Variants in RIT1 observed in about 807,000 individuals in gnomAD.
The protein encoded by RIT1 is GTP-binding protein Rit1.
A neutral mutation model predicts 25.6 loss-of-function variants in RIT1; 6 were observed. The observed-to-expected ratio is 0.23, with a 90% CI of 0.13 to 0.46. The LOEUF is 0.46. RIT1 is among the 20% of genes least tolerant of loss of function. The probability of loss-of-function intolerance (pLI) is 0.99; values close to 1 mark genes in which losing one functional copy is unlikely to be tolerated. For missense variants in RIT1, 219 were observed against 284.4 expected (o/e 0.77, Z 1.65); for synonymous variants, 81 against 94.1 (o/e 0.86, Z 0.80).
Position 155,904,434 on chromosome 1 carries a change from G to A in RIT1, c.306C>T (p.Ile102=). 1 of 1,614,098 alleles carries A rather than the reference G, an allele frequency of 6.2e-7. No homozygotes were observed. The highest frequency in any genetic ancestry group is 8.5e-7 in the Non-Finnish European group (1 of 1,179,970). ...AGEGFIICYS[I]TDRRSFHEVR... is the part of the protein sequence containing the mutation. ...CTTCATGGAAACTTCGACGATCCGT[G>A]ATAGAGTAACAGATGATAAACCCTT... Residue 102 remains isoleucine, a synonymous_variant, in exon 5 of 6, where the codon ATC becomes ATT. Coordinates refer to ENST00000368323, the MANE Select transcript of RIT1 (RefSeq NM_006912.6).
At chr1:155,905,896 C>T (rs948093510) in intron 3 of RIT1, among the ~76,000 whole-genome samples, 10 of 151,528 alleles carry the variant, frequency 6.6e-5, no homozygotes, top group Non-Finnish European at 1.5e-4. Flanking sequence ...GGCATGATCT[C>T]GGCTCACCAC....
At chr1:155,901,638 C>A (rs1405067263) in intron 5 of RIT1, among the ~76,000 whole-genome samples, 1 of 151,814 alleles carries the variant, frequency 6.6e-6, no homozygotes, top group East Asian at 1.9e-4. Flanking sequence ...GGTGACAGAG[C>A]CAGACTCTGT....
At chr1:155,907,926 T>C (rs1437043716) in intron 3 of RIT1, among the ~76,000 whole-genome samples, 2 of 149,546 alleles carry the variant, frequency 1.3e-5, no homozygotes, top group African/African-American at 4.9e-5. Context: ...CCGTCTCTAC[T>C]AAAAATACAA....
chr1:155,907,112 AAAAAGAAAAG>A (rs1248836313), intron 3 of RIT1, among the ~76,000 whole-genome samples: 1 of 152,166 alleles, frequency 6.6e-6, no homozygotes, highest in Non-Finnish European at 1.5e-5. Flanking sequence ...TGTCTCAAAA[AAAAAGAAAAG>A]AAAAGAAAAT....
At chr1:155,909,390 C>A (rs1673533516) in intron 3 of RIT1, among the ~76,000 whole-genome samples, 1 of 149,796 alleles carries the variant, frequency 6.7e-6, no homozygotes, top group Non-Finnish European at 1.5e-5. Context: ...AAAAAAAAAA[C>A]AAAAAAAGAA....
chr1:155,910,362 T>C, intron 3 of RIT1, 88 bp downstream of exon 3: 1 of 1,192,942 alleles, frequency 8.4e-7, no homozygotes, highest in South Asian at 1.3e-5. Context: ...CAAAAAAGCC[T>C]CAAAATATAA....
chr1:155,909,250 C>A (rs1175867320), intron 3 of RIT1, among the ~76,000 whole-genome samples: 4 of 151,518 alleles, frequency 2.6e-5, no homozygotes, highest in Non-Finnish European at 4.4e-5. Flanking sequence ...TGGTGGCGGG[C>A]GCCTGTAGTC....
intron 5 of RIT1, among the ~76,000 whole-genome samples, chr1:155,902,961 G>C (rs1299364065): frequency 6.6e-6 from 1 of 151,888 alleles, no homozygotes; most frequent in Non-Finnish European, 1.5e-5. Flanking sequence ...AGGAGTTTGA[G>C]ACCAGCCTGA....
chr1:155,904,597 G>C, intron 4 of RIT1, 95 bp from the exon 5 acceptor site: 1 of 1,268,158 alleles, frequency 7.9e-7, no homozygotes, highest in Non-Finnish European at 1.1e-6. Context: ...AACGCATGTC[G>C]ATTACCTGCT....
chr1:155,902,755 C>T lies in RIT1; in HGVS notation c.429+1556G>A, dbSNP rs570938677. ...ACTCAGGAGGCTGAGGCAGGAGAATCGCTTGAACTCAGGAGTCAGAGAGGT... is the reference window on the plus strand; with the variant it reads ...ACTCAGGAGGCTGAGGCAGGAGAATTGCTTGAACTCAGGAGTCAGAGAGGT... On this transcript the variant is annotated intron_variant, in intron 5 of 5. Coordinates refer to ENST00000368323, the MANE Select transcript of RIT1 (RefSeq NM_006912.6). Among the ~76,000 whole-genome samples, 67 of 149,678 alleles carry T rather than the reference C, an allele frequency of 4.5e-4. No individual in the cohort carries two copies. In the South Asian group the frequency reaches 8.9e-3, roughly 20 times the overall value.
chr1:155,906,779 A>AAAAAAG (rs1553229176), intron 3 of RIT1, among the ~76,000 whole-genome samples: 2,610 of 121,980 alleles, frequency 0.021, 47 homozygotes, highest in Non-Finnish European at 0.031. Flanking sequence ...AAAAAAAAAA[A>AAAAAAG]AAAAAGAAAA....
At position 155,910,878 on chromosome 1, in the gene RIT1, C is replaced by T. The variant is rs730881012; in HGVS notation, c.-43-74G>A. 76 of 1,585,534 alleles carry T rather than the reference C, an allele frequency of 4.8e-5. No individual in the cohort carries two copies. In the Middle Eastern group the frequency reaches 5.0e-4, roughly 10 times the overall value. ...GACAGCCCTCAAGCCAGTGCCTTAC[C>T]TTTCCATACATATTCTGGCCTGTCC... On this transcript the variant is annotated intron_variant, in intron 1 of 5. Transcript: ENST00000368323.
chr1:155,898,989 T>C lies in RIT1; in HGVS notation c.*1399A>G, dbSNP rs966060864. On this transcript the variant is annotated 3_prime_UTR_variant, in exon 6 of 6. Transcript: ENST00000368323. ...AGGTGCTACACAAGTCATCTTACGT[T>C]TCTAGTCAACACAAACATTGCTTCA... 1.9e-5 allele frequency: 4 copies of C among 212,946 alleles called. No individual in the cohort carries two copies. The highest frequency in any genetic ancestry group is 2.9e-5 in the Non-Finnish European group (3 of 105,194). The allele number at this position is 212,946 out of a possible 1,614,324, so 13.2% of individuals were successfully genotyped here.
intron 3 of RIT1, 130 bp from the exon 4 acceptor site, chr1:155,904,934 C>T (rs1000065339): frequency 3.1e-6 from 2 of 638,266 alleles, no homozygotes; most frequent in Non-Finnish European, 5.6e-6. Context: ...AGGAAGCATG[C>T]TAAATCCACT....
intron 5 of RIT1, 115 bp downstream of exon 5, chr1:155,904,196 G>C (rs949449098): frequency 1.3e-5 from 10 of 797,736 alleles, no homozygotes; most frequent in Non-Finnish European, 2.0e-5. Flanking sequence ...CACCCAGCCT[G>C]ATTTTCTATT....
rs878897140 is a variant in RIT1, at chr1:155,910,885, T to C, written c.-43-81A>G. 3 of 1,577,686 alleles carry C rather than the reference T, an allele frequency of 1.9e-6. No individual in the cohort carries two copies. The South Asian group carries it at 3.4e-5, about 18-fold the overall frequency. On this transcript the variant is annotated intron_variant, in intron 1 of 5. Transcript: ENST00000368323. ...CTCAAGCCAGTGCCTTACCTTTCCATACATATTCTGGCCTGTCCCTCTTAC... is the reference window on the plus strand; with the variant it reads ...CTCAAGCCAGTGCCTTACCTTTCCACACATATTCTGGCCTGTCCCTCTTAC...
In RIT1 at chr1:155,910,657, A is replaced by G. The variant is rs1335151363; in HGVS notation, c.105T>C (p.Ser35=). The part of the protein sequence containing the change: ...VMLGAGGVGK[S]AMTMQFISHR... ...TGTCAAATGGAAAATGTTACCTACC[A>G]CTCTTCCCTACACCACCAGCACCCA... The change falls in exon 2 of 6, where the codon AGT becomes AGC. Residue 35 remains serine, a splice_region_variant and synonymous_variant. Transcript: ENST00000368323. 1 of 1,613,228 alleles carries G rather than the reference A, an allele frequency of 6.2e-7. No homozygotes were observed. Among genetic ancestry groups the G allele is most frequent in the East Asian group, 2.2e-5 (1 of 44,838 alleles).
rs1673227073 is a variant in RIT1, at chr1:155,898,329, G to C, written c.*2059C>G. ...ATCCAAATTCCTTTCTATCCTTCTG[G>C]CAATGTTTCTACTGCCTGACTACCT... On this transcript the variant is annotated 3_prime_UTR_variant, in exon 6 of 6. Coordinates refer to ENST00000368323, the MANE Select transcript of RIT1 (RefSeq NM_006912.6). 6.7e-6 allele frequency: 1 copy of C among 150,346 alleles called. No homozygotes were observed. Among genetic ancestry groups the C allele is most frequent in the South Asian group, 2.1e-4 (1 of 4,744 alleles). 9.3% of individuals were successfully genotyped at this position (150,346 alleles called of 1,614,324 possible). A position where few individuals can be genotyped will look rare whatever the true frequency, so the allele number is the denominator to read the frequency against.
Position 155,910,717 on chromosome 1 carries a change from G to A in RIT1, c.45C>T (p.Pro15=), listed in dbSNP as rs748838734. The change falls in exon 2 of 6, where the codon CCC becomes CCT. Residue 15 remains proline, a synonymous_variant. Transcript: ENST00000368323. ...TRPVGSCCSS[P]AGLSREYKLV... is the part of the protein sequence containing the mutation. ...GTTTGTACTCCCGTGAGAGCCCAGC[G>A]GGGCTGCTACAGCAGCTACCAACTG... 1.2e-6 allele frequency: 2 copies of A among 1,614,108 alleles called. No individual in the cohort carries two copies. The highest frequency in any genetic ancestry group is 1.3e-5 in the African/African-American group (1 of 74,938).
Sources: gnomAD v4.1 joint callset for allele counts (sites outside exome capture counted in the v4.1 genomes callset) on GRCh38, gnomAD v4.1.1 for gene constraint, MANE v1.5 for transcripts, NCBI Gene and HGNC (gene_info 2026-07-23, HGNC 2026-07-21) for gene names.